The following GALNT18 variants were observed in gnomAD, a reference collection of about 807,000 sequenced individuals.
GALNT18 encodes the protein polypeptide N-acetylgalactosaminyltransferase 18.
In GALNT18, 44 loss-of-function variants were observed where a neutral mutation model predicts 69.5. That is an observed-to-expected ratio of 0.63 (90% CI 0.50 to 0.81). The LOEUF (loss-of-function observed/expected upper bound fraction) is 0.81. Ranked by LOEUF, GALNT18 falls within the 40% of genes least tolerant of loss-of-function variation. The probability of loss-of-function intolerance (pLI) is 0.00; values close to 1 mark genes in which losing one functional copy is unlikely to be tolerated. For missense variants in GALNT18, 715 were observed against 810.0 expected, an observed-to-expected ratio of 0.88 and a Z score of 1.42; for synonymous variants, 364 against 318.2, an observed-to-expected ratio of 1.14 and a Z score of -1.53.
At chr11:11,366,062 A>G (rs930548455) in intron 6 of GALNT18, among the ~76,000 whole-genome samples, 2 of 152,228 alleles carry the variant, frequency 1.3e-5, no homozygotes, top group Non-Finnish European at 2.9e-5. Flanking sequence ...TAGTCATGGC[A>G]GTAGGGTCAG....
In GALNT18 at chr11:11,602,082, C is replaced by T. The variant is rs1859646452; in HGVS notation, c.235+19277G>A. ...GTCAAAAGCTACAAATCTCTGTGTT[C>T]CTACAGCCTGCCCCTATCCCTGGGC... On this transcript the variant is annotated intron_variant, in intron 1 of 10. Coordinates refer to ENST00000227756, the MANE Select transcript of GALNT18 (RefSeq NM_198516.3). This position sits in a 1 kb window ranked among gnomAD's most constrained non-coding sequence, Gnocchi z 4.7. 6.6e-6 allele frequency among the ~76,000 whole-genome samples: 1 copy of T among 152,182 alleles called. No homozygotes were observed. The highest frequency in any genetic ancestry group is 2.1e-4 in the South Asian group (1 of 4,828).
intron 3 of GALNT18, among the ~76,000 whole-genome samples, chr11:11,390,692 A>G (rs1377634604): frequency 1.3e-5 from 2 of 152,162 alleles, no homozygotes; most frequent in African/African-American, 4.8e-5. Flanking sequence ...TCTGCTTCAG[A>G]ACACCTTCCA....
chr11:11,291,584 C>T (rs781025118), intron 10 of GALNT18, among the ~76,000 whole-genome samples: 3 of 149,610 alleles, frequency 2.0e-5, no homozygotes, highest in Non-Finnish European at 4.4e-5. Flanking sequence ...AGCCATGAGT[C>T]CTTTGCATGA....
chr11:11,277,645 A>C (rs1301928159), intron 10 of GALNT18, among the ~76,000 whole-genome samples: 2 of 152,192 alleles, frequency 1.3e-5, no homozygotes, highest in African/African-American at 2.4e-5. Flanking sequence ...TTAGTGCTAT[A>C]CATTTCCCTC....
rs1465811961 is a variant in GALNT18, at chr11:11,617,952, A to G, written c.235+3407T>C. On this transcript the variant is annotated intron_variant, in intron 1 of 10. Transcript: ENST00000227756. The surrounding 1 kb of genome is among the most constrained non-coding windows in gnomAD (Gnocchi z 4.7). ...TTTTTTAAAAACTCATAAGTTATCC[A>G]CCCTCTCATTTAACGTCTATTTGGT... Among the ~76,000 whole-genome samples, 1 of 152,150 alleles carries G rather than the reference A, an allele frequency of 6.6e-6. No homozygotes were observed. The highest frequency in any genetic ancestry group is 1.5e-5 in the Non-Finnish European group (1 of 68,022).
chr11:11,351,469 G>A (rs746687175), intron 6 of GALNT18, among the ~76,000 whole-genome samples: 3 of 152,166 alleles, frequency 2.0e-5, no homozygotes, highest in Admixed American at 1.3e-4. Flanking sequence ...ACCCTTGTAA[G>A]GGGACACAAA....
At position 11,320,942 on chromosome 11, in the gene GALNT18, G is replaced by A. The variant is rs1337764711; in HGVS notation, c.1512+6144C>T. Among the ~76,000 whole-genome samples the A allele has an allele frequency of 6.6e-6, 1 of 152,200 alleles. No homozygotes were observed. Among genetic ancestry groups the A allele is most frequent in the Non-Finnish European group, 1.5e-5 (1 of 68,044 alleles). The stretch of plus-strand genomic sequence containing the variant: ...TGTGCATCTGAGCATGGCCTGGCGT[G>A]AAAGGTCACCAGGACACCAAGGGCT... On this transcript the variant is annotated intron_variant, in intron 9 of 10. Transcript: ENST00000227756. The surrounding 1 kb of genome is among the most constrained non-coding windows in gnomAD (Gnocchi z 4.9).
rs571658570 is a variant in GALNT18 at position 11,352,670 on chromosome 11, CATGCTGTGACAATA to C, written c.1093-11680_1093-11667del. 382 of 1,614,168 alleles carry C rather than the reference CATGCTGTGACAATA, an allele frequency of 2.4e-4. 8 individuals carry two copies. The South Asian group carries it at 3.9e-3, about 17-fold the overall frequency. On this transcript the variant is annotated intron_variant, in intron 6 of 10. Transcript: ENST00000227756. Reference sequence around the variant, plus strand: ...GCTTGACATCTCTGTGCATAATTCCCATGCTGTGACAATAATCCAGGGCCTTCAGAATCTCATAC... The same window carrying C: ...GCTTGACATCTCTGTGCATAATTCCCATCCAGGGCCTTCAGAATCTCATAC...
rs1157469984 is a variant in GALNT18 at position 11,496,590 on chromosome 11, C to T, written c.236-47654G>A. ...TCTCTCAGTAGGTTCTAATCAACAT[C>T]ACAGAGAAGTAGATGAAGGGCTACC... On this transcript the variant is annotated intron_variant, in intron 1 of 10. Transcript: ENST00000227756. This position sits in a 1 kb window ranked among gnomAD's most constrained non-coding sequence, Gnocchi z 4.0. 1.3e-5 allele frequency among the ~76,000 whole-genome samples: 2 copies of T among 152,148 alleles called. No homozygotes were observed. The highest frequency in any genetic ancestry group is 2.4e-5 in the African/African-American group (1 of 41,418).
chr11:11,540,822 C>T lies in GALNT18; in HGVS notation c.235+80537G>A, dbSNP rs1046037549. Among the ~76,000 whole-genome samples the T allele has an allele frequency of 5.9e-5, 9 of 152,144 alleles. No homozygotes were observed. Among genetic ancestry groups the T allele is most frequent in the African/African-American group, 2.2e-4 (9 of 41,418 alleles). On this transcript the variant is annotated intron_variant, in intron 1 of 10. Transcript: ENST00000227756. This position sits in a 1 kb window ranked among gnomAD's most constrained non-coding sequence, Gnocchi z 4.6. ...AGGTCTTCAAGGACCCAGACAGAAA[C>T]AGGTAATTGGCAGGAAGGTAGATAT...
rs573810771 is a variant in GALNT18 at position 11,350,605 on chromosome 11, G to A, written c.1093-9601C>T. Among the ~76,000 whole-genome samples the A allele has an allele frequency of 3.3e-5, 5 of 152,228 alleles. No individual in the cohort carries two copies. The South Asian group carries it at 1.0e-3, about 32-fold the overall frequency. On this transcript the variant is annotated intron_variant, in intron 6 of 10. Transcript: ENST00000227756. ...GACCCCTATTGCTCACTGACACCTG[G>A]GTGCTCCTCCATATTTCCCTGCACC...
intron 1 of GALNT18, among the ~76,000 whole-genome samples, chr11:11,539,727 G>T (rs1240067154): frequency 6.6e-6 from 1 of 152,152 alleles, no homozygotes; most frequent in Non-Finnish European, 1.5e-5. Context: ...TTATTTACTG[G>T]CCATGAAAGA....
chr11:11,352,811 G>A (rs1455875891), intron 6 of GALNT18: 2 of 1,614,030 alleles, frequency 1.2e-6, no homozygotes, highest in East Asian at 4.5e-5. Context: ...GTGACACAGG[G>A]TCTTTTACAA....
chr11:11,597,053 T>A (rs890111667), intron 1 of GALNT18, among the ~76,000 whole-genome samples: 8 of 152,206 alleles, frequency 5.3e-5, no homozygotes, highest in African/African-American at 1.4e-4. Flanking sequence ...TCTTTTGAGA[T>A]GATCATGCGG....
intron 1 of GALNT18, among the ~76,000 whole-genome samples, chr11:11,479,541 G>C (rs1158166928): frequency 1.3e-5 from 2 of 152,148 alleles, no homozygotes; most frequent in African/African-American, 2.4e-5. Context: ...GAAGATGACT[G>C]TGGTGAAGCA....
Position 11,322,844 on chromosome 11 carries a change from C to T in GALNT18, c.1512+4242G>A, listed in dbSNP as rs570775705. Among the ~76,000 whole-genome samples, 29 of 152,310 alleles carry T rather than the reference C, an allele frequency of 1.9e-4. 1 individual carries two copies. In the South Asian group the frequency reaches 3.1e-3, roughly 16 times the overall value. On this transcript the variant is annotated intron_variant, in intron 9 of 10. Transcript: ENST00000227756. ...GGCTGGGAAGTCCAAGATCAAGATG[C>T]TGGTCAATTTAGTTTCTGCTTAGGA...
chr11:11,536,362 G>C (rs1272216714), intron 1 of GALNT18, among the ~76,000 whole-genome samples: 1 of 152,048 alleles, frequency 6.6e-6, no homozygotes, highest in Non-Finnish European at 1.5e-5. Context: ...GTAGGTCCAG[G>C]GCCAGGCTGT....
At chr11:11,375,839 T>TG (rs1853737947) in intron 5 of GALNT18, among the ~76,000 whole-genome samples, 1 of 152,210 alleles carries the variant, frequency 6.6e-6, no homozygotes, top group Non-Finnish European at 1.5e-5. Context: ...GAAAGTTAGG[T>TG]GGTTTTATCC....
intron 1 of GALNT18, among the ~76,000 whole-genome samples, chr11:11,528,089 A>G (rs1460944414): frequency 6.6e-6 from 1 of 152,226 alleles, no homozygotes; most frequent in East Asian, 1.9e-4. Flanking sequence ...AATGTTACGG[A>G]AAGACAGCAG....
Sources: allele counts gnomAD v4.1 joint callset (sites outside exome capture counted in the v4.1 genomes callset), GRCh38; gene constraint gnomAD v4.1.1; non-coding constraint Gnocchi (gnomAD v3.1); transcripts MANE v1.5; gene names NCBI Gene and HGNC (gene_info 2026-07-23, HGNC 2026-07-21).